Variants in COL19A1 observed in about 807,000 individuals in gnomAD.
COL19A1 encodes the protein collagen type XIX alpha 1 chain.
A neutral mutation model predicts 190.2 loss-of-function variants in COL19A1; 159 were observed. The ratio of observed to expected loss-of-function variants is 0.84; its 90% CI spans 0.73 to 0.95. The LOEUF (loss-of-function observed/expected upper bound fraction) is 0.95, where lower values mean the gene tolerates loss of function less well. Among genes scored for constraint, COL19A1 ranks in the 40% least tolerant of loss-of-function variants. The pLI, the probability that COL19A1 is intolerant of heterozygous loss-of-function variation, is 0.00. For missense variants in COL19A1, 1,418 were observed against 1,431.9 expected, an observed-to-expected ratio of 0.99 and a Z score of 0.16; for synonymous variants, 509 against 458.9, an observed-to-expected ratio of 1.11 and a Z score of -1.39.
chr6:69,869,573 G>A (rs1362252100), intron 1 of COL19A1, among the ~76,000 whole-genome samples: 1 of 152,052 alleles, frequency 6.6e-6, no homozygotes, highest in African/African-American at 2.4e-5. Flanking sequence ...TGGGAAAAAG[G>A]ATGAATTTGA....
chr6:70,049,449 T>C (rs951935282), intron 14 of COL19A1, among the ~76,000 whole-genome samples: 12 of 152,054 alleles, frequency 7.9e-5, no homozygotes, highest in African/African-American at 2.9e-4. Flanking sequence ...GAAATATTTA[T>C]GTTTTAGCCT....
intron 11 of COL19A1, among the ~76,000 whole-genome samples, chr6:69,984,083 G>C (rs576933232): frequency 6.6e-6 from 1 of 151,980 alleles, no homozygotes; most frequent in Non-Finnish European, 1.5e-5. Context: ...GGGTCTGAAG[G>C]TTTCTTTGTG....
intron 4 of COL19A1, among the ~76,000 whole-genome samples, chr6:69,906,502 C>G (rs1189084098): frequency 6.6e-6 from 1 of 151,984 alleles, no homozygotes; most frequent in Non-Finnish European, 1.5e-5. Flanking sequence ...TATCTATAGC[C>G]TCTCTGAATT....
At chr6:70,000,321 A>G (rs189341899) in intron 11 of COL19A1, among the ~76,000 whole-genome samples, 2 of 152,320 alleles carry the variant, frequency 1.3e-5, no homozygotes, top group Admixed American at 6.5e-5. Flanking sequence ...TAGTGCTGCA[A>G]TAAACATACG....
chr6:70,102,141 T>C (rs1478124734), intron 15 of COL19A1, 28 bp from the exon 16 acceptor site: 2 of 1,584,070 alleles, frequency 1.3e-6, no homozygotes, highest in Middle Eastern at 1.7e-4. Flanking sequence ...GTCACAGTAT[T>C]TATCATCTAT....
chr6:70,156,433 C>T (rs958281122), intron 33 of COL19A1, 64 bp downstream of exon 33: 18 of 1,488,650 alleles, frequency 1.2e-5, no homozygotes, highest in Middle Eastern at 2.2e-4. Flanking sequence ...AAAAAGAACC[C>T]GATTTGAAAA....
At chr6:70,188,618 A>G (rs1766673217) in intron 47 of COL19A1, among the ~76,000 whole-genome samples, 1 of 152,226 alleles carries the variant, frequency 6.6e-6, no homozygotes, top group Non-Finnish European at 1.5e-5. Context: ...TCCTTACACT[A>G]CACAGAAACC....
At chr6:70,018,721 G>T (rs2150100558) in intron 11 of COL19A1, among the ~76,000 whole-genome samples, 1 of 152,200 alleles carries the variant, frequency 6.6e-6, no homozygotes, top group Non-Finnish European at 1.5e-5. Flanking sequence ...GATAATTAAA[G>T]GGTGCATGTT....
At chr6:70,198,145 G>A (rs1177850495) in intron 48 of COL19A1, among the ~76,000 whole-genome samples, 1 of 152,280 alleles carries the variant, frequency 6.6e-6, no homozygotes, top group East Asian at 1.9e-4. Context: ...TGGAGAACAT[G>A]GAAGTAACTC....
At chr6:69,885,888 G>A (rs764473878) in intron 2 of COL19A1, among the ~76,000 whole-genome samples, 9 of 152,054 alleles carry the variant, frequency 5.9e-5, no homozygotes, top group Non-Finnish European at 1.2e-4. Flanking sequence ...TCCCAGAAGC[G>A]ATCATGGGGG....
chr6:70,054,755 T>G (rs1780398307), intron 14 of COL19A1, among the ~76,000 whole-genome samples: 1 of 152,168 alleles, frequency 6.6e-6, no homozygotes, highest in Non-Finnish European at 1.5e-5. Flanking sequence ...AATTTGGGTT[T>G]GTACATGACT....
chr6:70,027,559 G>GTGTGTGTGTGTGTGTGTGTT (rs548912289), intron 12 of COL19A1, among the ~76,000 whole-genome samples: 1 of 20,366 alleles, frequency 4.9e-5, no homozygotes, highest in Non-Finnish European at 7.1e-5. Context: ...TATCTTAACT[G>GTGTGTGTGTGTGTGTGTGTT]TGTGTGTGTG....
Position 70,121,870 on chromosome 6 carries a change from T to C in COL19A1, c.1279-10T>C, listed in dbSNP as rs780228611. On this transcript the variant is annotated splice_polypyrimidine_tract_variant and intron_variant, in intron 16 of 50. Transcript: ENST00000620364. ...TGTATATATTTGTCTTTGATTTGTT[T>C]ATAATACAGGGACCTCCTGGAATAC... The C allele has an allele frequency of 1.3e-6, 2 of 1,546,882 alleles. No individual in the cohort carries two copies. Among genetic ancestry groups the C allele is most frequent in the Non-Finnish European group, 1.8e-6 (2 of 1,138,594 alleles).
At chr6:69,936,038 T>C (rs557933820) in intron 7 of COL19A1, among the ~76,000 whole-genome samples, 11 of 152,220 alleles carry the variant, frequency 7.2e-5, no homozygotes, top group African/African-American at 2.6e-4. Context: ...CTTCGTGAAA[T>C]TGCAAATTCA....
chr6:70,184,449 C>G (rs909748052), intron 44 of COL19A1, among the ~76,000 whole-genome samples: 1 of 152,190 alleles, frequency 6.6e-6, no homozygotes, highest in African/African-American at 2.4e-5. Flanking sequence ...TTATTTTCCT[C>G]ACTAGTGAAG....
rs2127541211 is a variant in COL19A1 at position 70,212,443 on chromosome 6, A to C, written c.*5169A>C. Among the ~76,000 whole-genome samples the C allele has an allele frequency of 6.6e-6, 1 of 152,254 alleles. No homozygotes were observed. Among genetic ancestry groups the C allele is most frequent in the Non-Finnish European group, 1.5e-5 (1 of 68,022 alleles). ...GAGCTTGTCACCTATCTCAGCAATA[A>C]AGGTTCTGACCCTATGTCAGGGAAA... On this transcript the variant is annotated 3_prime_UTR_variant, in exon 51 of 51. Transcript: ENST00000620364.
chr6:69,956,194 A>G (rs1432177396), intron 9 of COL19A1, among the ~76,000 whole-genome samples: 13 of 152,116 alleles, frequency 8.5e-5, no homozygotes, highest in African/African-American at 2.9e-4. Context: ...CCATACATAC[A>G]TTACCATGAT....
At chr6:69,896,543 CAAAAAA>C (rs61409385) in intron 2 of COL19A1, among the ~76,000 whole-genome samples, 17 of 71,684 alleles carry the variant, frequency 2.4e-4, no homozygotes, top group African/African-American at 6.0e-4. Flanking sequence ...GACTCCGTCT[CAAAAAA>C]AAAAAAAAAA....
intron 11 of COL19A1, among the ~76,000 whole-genome samples, chr6:70,009,897 A>G (rs559881963): frequency 2.1e-5 from 3 of 146,238 alleles, no homozygotes; most frequent in Non-Finnish European, 4.4e-5. Context: ...AAGAAAAAGA[A>G]AGACAAGAAC....
Sources: allele counts gnomAD v4.1 joint callset (sites outside exome capture counted in the v4.1 genomes callset), GRCh38; gene constraint gnomAD v4.1.1; transcripts MANE v1.5; gene names NCBI Gene and HGNC (gene_info 2026-07-23, HGNC 2026-07-21).